The following SLC4A10 variants were observed in gnomAD, a reference collection of about 807,000 sequenced individuals.
SLC4A10 encodes solute carrier family 4 member 10.
In SLC4A10, 42 loss-of-function variants were observed where a neutral mutation model predicts 137.7. That is an observed-to-expected ratio of 0.30 (90% CI 0.24 to 0.39). The LOEUF (loss-of-function observed/expected upper bound fraction) is 0.39. Ranked by LOEUF, SLC4A10 falls within the 10% of genes least tolerant of loss-of-function variation. The probability of loss-of-function intolerance (pLI) is 1.00; values close to 1 mark genes in which losing one functional copy is unlikely to be tolerated. For missense variants in SLC4A10, 925 were observed against 1,355.0 expected (o/e 0.68, Z 4.98); for synonymous variants, 474 against 464.1 (o/e 1.02, Z -0.27).
chr2:161,663,555 A>C (rs2038699034), intron 1 of SLC4A10, among the ~76,000 whole-genome samples: 1 of 152,120 alleles, frequency 6.6e-6, no homozygotes, highest in South Asian at 2.1e-4. Flanking sequence ...CTTGAATCTA[A>C]ACATGTTACT....
chr2:161,816,606 T>A (rs2057084259), intron 3 of SLC4A10, among the ~76,000 whole-genome samples: 1 of 151,622 alleles, frequency 6.6e-6, no homozygotes, highest in Non-Finnish European at 1.5e-5. Context: ...ATTAGGTATA[T>A]CTCCCAATGC....
At chr2:161,749,926 A>G (rs1039488237) in intron 1 of SLC4A10, among the ~76,000 whole-genome samples, 1 of 151,612 alleles carries the variant, frequency 6.6e-6, no homozygotes, top group African/African-American at 2.4e-5. Context: ...CTACTTTATT[A>G]TCTTTATTAT....
chr2:161,687,917 C>T (rs2041607567), intron 1 of SLC4A10, among the ~76,000 whole-genome samples: 1 of 152,150 alleles, frequency 6.6e-6, no homozygotes, highest in South Asian at 2.1e-4. Flanking sequence ...TCAATTAAAC[C>T]TCTTTTCTTT....
chr2:161,787,181 T>C (rs553672318), intron 2 of SLC4A10, among the ~76,000 whole-genome samples: 1 of 152,242 alleles, frequency 6.6e-6, no homozygotes, highest in South Asian at 2.1e-4. Context: ...CTTATGAAGC[T>C]TAGTTAGGCA....
At chr2:161,798,524 C>A (rs1205850600) in intron 2 of SLC4A10, among the ~76,000 whole-genome samples, 6 of 151,664 alleles carry the variant, frequency 4.0e-5, no homozygotes, top group African/African-American at 1.5e-4. Flanking sequence ...CAATACTGAT[C>A]CTTATTATAT....
intron 1 of SLC4A10, among the ~76,000 whole-genome samples, chr2:161,745,713 C>A (rs145019058): frequency 2.0e-5 from 3 of 152,194 alleles, no homozygotes; most frequent in East Asian, 3.9e-4. Flanking sequence ...TTTTGAGAAG[C>A]CTTTCCAATT....
chr2:161,889,302 G>A (rs2062662299), intron 10 of SLC4A10, among the ~76,000 whole-genome samples: 1 of 152,168 alleles, frequency 6.6e-6, no homozygotes, highest in Non-Finnish European at 1.5e-5. Context: ...CTCATGAAAT[G>A]AGTTAGGGAG....
chr2:161,720,528 T>C (rs1357659833), intron 1 of SLC4A10, among the ~76,000 whole-genome samples: 1 of 152,150 alleles, frequency 6.6e-6, no homozygotes, highest in African/African-American at 2.4e-5. Flanking sequence ...TCTTCATAGG[T>C]CTCCAAGAAT....
intron 16 of SLC4A10, 81 bp downstream of exon 16, chr2:161,942,978 T>A (rs1300257828): frequency 2.0e-6 from 2 of 1,019,584 alleles, no homozygotes; most frequent in Non-Finnish European, 2.9e-6. Flanking sequence ...TACAGTAAAA[T>A]TTTTTTGAAT....
At chr2:161,759,135 G>A (rs1338891286) in intron 1 of SLC4A10, among the ~76,000 whole-genome samples, 3 of 151,832 alleles carry the variant, frequency 2.0e-5, no homozygotes, top group Non-Finnish European at 4.4e-5. Context: ...TAACAAGGGT[G>A]TCTTGGTTGG....
intron 1 of SLC4A10, among the ~76,000 whole-genome samples, chr2:161,685,166 A>C (rs2041248374): frequency 6.6e-6 from 1 of 152,182 alleles, no homozygotes; most frequent in African/African-American, 2.4e-5. Context: ...TGATTCTTCT[A>C]AGCACTACTG....
rs1035491263 is a variant in SLC4A10, at chr2:161,897,436, A to G, written c.1341+2611A>G. 3.3e-5 allele frequency among the ~76,000 whole-genome samples: 5 copies of G among 152,120 alleles called. No homozygotes were observed. The South Asian group carries it at 8.3e-4, about 25-fold the overall frequency. ...TTGGAAGCGGCAGATGGTCTAATTG[A>G]CCCAGCCCTGGAATTAGAAATTTTC... On this transcript the variant is annotated intron_variant, in intron 11 of 26. Transcript: ENST00000446997.
At chr2:161,715,829 T>A (rs1336845161) in intron 1 of SLC4A10, among the ~76,000 whole-genome samples, 1 of 152,130 alleles carries the variant, frequency 6.6e-6, no homozygotes, top group African/African-American at 2.4e-5. Flanking sequence ...TATAATAGAA[T>A]GATTTATATT....
intron 1 of SLC4A10, among the ~76,000 whole-genome samples, chr2:161,760,141 T>C (rs1315619374): frequency 1.3e-5 from 2 of 151,986 alleles, no homozygotes; most frequent in African/African-American, 2.4e-5. Context: ...TCTTACATAT[T>C]ATTTTAAAAT....
chr2:161,893,769 T>C (rs986795969), intron 10 of SLC4A10, among the ~76,000 whole-genome samples: 1 of 151,810 alleles, frequency 6.6e-6, no homozygotes, highest in Non-Finnish European at 1.5e-5. Context: ...AAAAATAATA[T>C]GCATAAAAAT....
At chr2:161,655,610 A>T (rs1364742847) in intron 1 of SLC4A10, among the ~76,000 whole-genome samples, 1 of 152,214 alleles carries the variant, frequency 6.6e-6, no homozygotes, top group Non-Finnish European at 1.5e-5. Flanking sequence ...ATAGTTAAGA[A>T]AGAATTCATG....
chr2:161,821,034 A>G (rs1345524425), intron 3 of SLC4A10, among the ~76,000 whole-genome samples: 1 of 152,202 alleles, frequency 6.6e-6, no homozygotes, highest in East Asian at 1.9e-4. Flanking sequence ...TTGATTACCA[A>G]TGAAATTGAG....
intron 11 of SLC4A10, 143 bp downstream of exon 11, chr2:161,894,968 C>A (rs1461283769): frequency 2.8e-6 from 1 of 362,108 alleles, no homozygotes; most frequent in South Asian, 1.2e-4. Context: ...AATGTGCCGG[C>A]TAGTTACATA....
At chr2:161,788,340 G>C (rs1237720022) in intron 2 of SLC4A10, among the ~76,000 whole-genome samples, 3 of 151,916 alleles carry the variant, frequency 2.0e-5, no homozygotes, top group Non-Finnish European at 4.4e-5. Context: ...TCTGACAGTA[G>C]GTTTTTTATT....
Sources: allele counts gnomAD v4.1 joint callset (sites outside exome capture counted in the v4.1 genomes callset), GRCh38; gene constraint gnomAD v4.1.1; transcripts MANE v1.5; gene names NCBI Gene and HGNC (gene_info 2026-07-23, HGNC 2026-07-21).